Variants in PLAGL1 observed in about 807,000 individuals in gnomAD.
PLAGL1 encodes the protein zinc finger protein PLAGL1.
In PLAGL1, 1 loss-of-function variant was observed where a neutral mutation model predicts 4.6. The ratio of observed to expected loss-of-function variants is 0.22; its 90% CI spans 0.08 to 1.03. The LOEUF (loss-of-function observed/expected upper bound fraction) is 1.03. Among genes scored for constraint, PLAGL1 ranks in the 50% least tolerant of loss-of-function variants. The pLI, the probability that PLAGL1 is intolerant of heterozygous loss-of-function variation, is 0.58. For synonymous variants in PLAGL1, 240 were observed against 237.8 expected (o/e 1.01, Z -0.08); for missense variants, 464 against 570.4 (o/e 0.81, Z 1.90).
rs1236741783 is a variant in PLAGL1 at position 144,005,074 on chromosome 6, CTG to C, written c.-584+3014_-584+3015del. On this transcript the variant is annotated intron_variant, in intron 1 of 7. Transcript: ENST00000674357. This position sits in a 1 kb window ranked among gnomAD's most constrained non-coding sequence, Gnocchi z 4.6. Reference sequence around the variant, plus strand: ...CACCTACATACATTGCCTCAAAAGTCTGTGAGTACAAATTATTCTTGATGATA... The same window carrying C: ...CACCTACATACATTGCCTCAAAAGTCTGAGTACAAATTATTCTTGATGATA... 2 of 151,634 alleles carry C rather than the reference CTG, an allele frequency of 1.3e-5. No homozygotes were observed. Among genetic ancestry groups the C allele is most frequent in the East Asian group, 3.9e-4 (2 of 5,174 alleles). The allele number at this position is 151,634 out of a possible 1,614,324, so 9.4% of individuals were successfully genotyped here.
In PLAGL1 at chr6:144,020,003, T is replaced by C. The variant is rs1795855642; in HGVS notation, c.-151+44465A>G. Among the ~76,000 whole-genome samples the C allele has an allele frequency of 5.3e-5, 8 of 152,194 alleles. No individual in the cohort carries two copies. In the South Asian group the frequency reaches 1.7e-3, roughly 32 times the overall value. On this transcript the variant is annotated intron_variant, in intron 1 of 3. Coordinates refer to the PLAGL1 transcript ENST00000437412. ...ATTGAAATCATAATCCCCAATGTGA[T>C]TGTATTTGAAGATGGGGTCTTTGGG...
intron 1 of PLAGL1, among the ~76,000 whole-genome samples, chr6:144,062,552 C>T (rs975509021): frequency 2.7e-5 from 4 of 149,956 alleles, no homozygotes; most frequent in African/African-American, 9.9e-5. Context: ...TACAGAAGGG[C>T]ACTGTTTACC....
Position 144,064,321 on chromosome 6 carries a change from G to T in PLAGL1, c.-151+147C>A, listed in dbSNP as rs1334815829. ...TCGGCCAGGCTACCTCGCCTGGCCC[G>T]CGGACTCCGCGCGGCACGTGGGCAC... On this transcript the variant is annotated intron_variant, in intron 1 of 3. Coordinates refer to the PLAGL1 transcript ENST00000437412. The surrounding 1 kb of genome is among the most constrained non-coding windows in gnomAD (Gnocchi z 6.8). The T allele has an allele frequency of 6.6e-6, 1 of 152,024 alleles. No individual in the cohort carries two copies. The highest frequency in any genetic ancestry group is 1.5e-5 in the Non-Finnish European group (1 of 68,010). The allele number at this position is 152,024 out of a possible 1,614,324, so 9.4% of individuals were successfully genotyped here.
Position 144,036,073 on chromosome 6 carries a change from A to C in PLAGL1, c.-151+28395T>G, listed in dbSNP as rs140672334. On this transcript the variant is annotated intron_variant, in intron 1 of 3. Transcript: ENST00000437412. The surrounding 1 kb of genome is among the most constrained non-coding windows in gnomAD (Gnocchi z 5.1). ...TCAATGCAGGACTCCAACCCCAAGA[A>C]AGTGCTTCAAGGACACCCCAGGTGG... Among the ~76,000 whole-genome samples, 8 of 152,238 alleles carry C rather than the reference A, an allele frequency of 5.3e-5. No homozygotes were observed. The East Asian group carries it at 1.4e-3, about 26-fold the overall frequency.
intron 1 of PLAGL1, among the ~76,000 whole-genome samples, chr6:144,033,826 C>G (rs1797011448): frequency 6.6e-6 from 1 of 151,826 alleles, no homozygotes; most frequent in Admixed American, 6.6e-5. Context: ...ATCAGGCATG[C>G]AAAAAAGCAG....
chr6:144,044,447 T>G (rs1042662685), intron 1 of PLAGL1, among the ~76,000 whole-genome samples: 8 of 152,356 alleles, frequency 5.3e-5, no homozygotes, highest in Middle Eastern at 3.4e-3. Context: ...CCAGTAGTCA[T>G]TCAGGAGCAG....
chr6:143,993,874 A>C (rs947200151), intron 1 of PLAGL1, among the ~76,000 whole-genome samples: 20 of 152,292 alleles, frequency 1.3e-4, no homozygotes, highest in African/African-American at 4.8e-4. Flanking sequence ...CAGATAAGAA[A>C]GCTTCCAAAT....
At position 144,004,351 on chromosome 6, in the gene PLAGL1, A is replaced by G. The variant is rs1213737438; in HGVS notation, c.-584+3739T>C. On this transcript the variant is annotated intron_variant, in intron 1 of 7. Transcript: ENST00000674357. The surrounding 1 kb of genome is among the most constrained non-coding windows in gnomAD (Gnocchi z 4.2). ...CAGGAGCCATGGAACACAGCCCAAT[A>G]AAATTTTATAAACAGAAACATGCAG... Among the ~76,000 whole-genome samples, 1 of 152,214 alleles carries G rather than the reference A, an allele frequency of 6.6e-6. No homozygotes were observed. Among genetic ancestry groups the G allele is most frequent in the Admixed American group, 6.5e-5 (1 of 15,288 alleles).
At chr6:143,981,738 C>G (rs1477877788) in intron 2 of PLAGL1, among the ~76,000 whole-genome samples, 1 of 152,142 alleles carries the variant, frequency 6.6e-6, no homozygotes, top group Non-Finnish European at 1.5e-5. Flanking sequence ...CAGAGGTCCT[C>G]TCAGTACGAA....
rs75694525 is a variant in PLAGL1 at position 143,957,869 on chromosome 6, C to T, written c.-325+2600G>A. Among the ~76,000 whole-genome samples the T allele has an allele frequency of 8.8e-3, 1,347 of 152,332 alleles. 6 individuals are homozygous for T. The highest frequency in any genetic ancestry group is 0.015 in the Non-Finnish European group (1,004 of 68,044). On this transcript the variant is annotated intron_variant, in intron 6 of 7. Transcript: ENST00000674357. The surrounding 1 kb of genome is among the most constrained non-coding windows in gnomAD (Gnocchi z 4.2). ...TACATGGGAGCAGGGTATCTTGACACTGGATTTATAGATGACCTCATTGTT... is the reference window on the plus strand; with the variant it reads ...TACATGGGAGCAGGGTATCTTGACATTGGATTTATAGATGACCTCATTGTT...
At position 144,027,472 on chromosome 6, in the gene PLAGL1, G is replaced by C. The variant is rs1410452432; in HGVS notation, c.-151+36996C>G. Among the ~76,000 whole-genome samples the C allele has an allele frequency of 6.6e-6, 1 of 152,068 alleles. No individual in the cohort carries two copies. The highest frequency in any genetic ancestry group is 1.5e-5 in the Non-Finnish European group (1 of 68,024). On this transcript the variant is annotated intron_variant, in intron 1 of 3. Transcript: ENST00000437412. This position sits in a 1 kb window ranked among gnomAD's most constrained non-coding sequence, Gnocchi z 5.8. ...AGAAATAGAGAAGCAGTTAATAGGA[G>C]AAATAGGAGAATGCAGATACCACTC...
At chr6:144,038,733 A>G (rs1797474437) in intron 1 of PLAGL1, among the ~76,000 whole-genome samples, 1 of 152,258 alleles carries the variant, frequency 6.6e-6, no homozygotes, top group Non-Finnish European at 1.5e-5. Context: ...ATCACAAAGA[A>G]CCACATATTA....
At chr6:144,040,693 A>G (rs1797661603) in intron 1 of PLAGL1, among the ~76,000 whole-genome samples, 1 of 152,272 alleles carries the variant, frequency 6.6e-6, no homozygotes, top group East Asian at 1.9e-4. Flanking sequence ...TCTGGCCAAC[A>G]TGGCAAAACC....
chr6:143,995,497 T>C lies in PLAGL1; in HGVS notation c.-583-10323A>G, dbSNP rs921220018. 2.6e-5 allele frequency among the ~76,000 whole-genome samples: 4 copies of C among 152,318 alleles called. No individual in the cohort carries two copies. Among genetic ancestry groups the C allele is most frequent in the Admixed American group, 1.3e-4 (2 of 15,300 alleles). On this transcript the variant is annotated intron_variant, in intron 1 of 7. Coordinates refer to ENST00000674357, the MANE Select transcript of PLAGL1 (RefSeq NM_001317162.2). This position sits in a 1 kb window ranked among gnomAD's most constrained non-coding sequence, Gnocchi z 4.4. ...ATAATTTAAACAGATTTCTATACTT[T>C]GTATTTAGGTGCGAACCATTTTAGT...
Position 143,995,677 on chromosome 6 carries a change from G to A in PLAGL1, c.-583-10503C>T, listed in dbSNP as rs1055295772. Among the ~76,000 whole-genome samples, 1 of 151,870 alleles carries A rather than the reference G, an allele frequency of 6.6e-6. No homozygotes were observed. Among genetic ancestry groups the A allele is most frequent in the African/African-American group, 2.4e-5 (1 of 41,346 alleles). ...TATGATATATATGCTTATATAAAAT[G>A]TTTCAAATCTGAAATATAAGGATTT... On this transcript the variant is annotated intron_variant, in intron 1 of 7. Coordinates refer to ENST00000674357, the MANE Select transcript of PLAGL1 (RefSeq NM_001317162.2). The surrounding 1 kb of genome is among the most constrained non-coding windows in gnomAD (Gnocchi z 4.4).
At chr6:144,029,398 T>C (rs530998106) in intron 1 of PLAGL1, among the ~76,000 whole-genome samples, 2 of 152,256 alleles carry the variant, frequency 1.3e-5, no homozygotes, top group Non-Finnish European at 2.9e-5. Context: ...GTAACTGTGA[T>C]TCACAATAAA....
intron 1 of PLAGL1, among the ~76,000 whole-genome samples, chr6:143,986,458 A>G (rs1256894345): frequency 6.6e-6 from 1 of 152,170 alleles, no homozygotes; most frequent in Admixed American, 6.5e-5. Flanking sequence ...TTCGTTGGGG[A>G]TTGACAGGCA....
chr6:143,980,914 G>T (rs879883017), intron 2 of PLAGL1, among the ~76,000 whole-genome samples: 3 of 152,150 alleles, frequency 2.0e-5, no homozygotes, highest in Non-Finnish European at 4.4e-5. Context: ...GCCAAATCTG[G>T]ACCACTGCCT....
Position 143,997,193 on chromosome 6 carries a change from A to G in PLAGL1, c.-584+10897T>C, listed in dbSNP as rs779021803. Among the ~76,000 whole-genome samples the G allele has an allele frequency of 6.6e-6, 1 of 152,188 alleles. No individual in the cohort carries two copies. The highest frequency in any genetic ancestry group is 1.5e-5 in the Non-Finnish European group (1 of 68,034). ...GCTGATGAAAATGTGCACTCCAACTACAACTCTATTGCTAGCAAAAGTGTA... is the reference window on the plus strand; with the variant it reads ...GCTGATGAAAATGTGCACTCCAACTGCAACTCTATTGCTAGCAAAAGTGTA... On this transcript the variant is annotated intron_variant, in intron 1 of 7. Transcript: ENST00000674357. This position sits in a 1 kb window ranked among gnomAD's most constrained non-coding sequence, Gnocchi z 4.6.
Sources: allele counts gnomAD v4.1 joint callset (sites outside exome capture counted in the v4.1 genomes callset), GRCh38; gene constraint gnomAD v4.1.1; non-coding constraint Gnocchi (gnomAD v3.1); transcripts MANE v1.5; gene names NCBI Gene and HGNC (gene_info 2026-07-23, HGNC 2026-07-21).